CNTN5: variants seen among roughly 807,000 people sequenced by gnomAD.
CNTN5 encodes contactin-5.
A neutral mutation model predicts 129.1 loss-of-function variants in CNTN5; 77 were observed. The observed-to-expected ratio is 0.60, with a 90% confidence interval of 0.50 to 0.72. The LOEUF (loss-of-function observed/expected upper bound fraction) is 0.72, where lower values mean the gene tolerates loss of function less well. Ranked by LOEUF, CNTN5 falls within the 30% of genes least tolerant of loss-of-function variation. CNTN5 has a pLI of 0.00. For synonymous variants in CNTN5, 509 were observed against 465.6 expected (o/e 1.09, Z -1.20); for missense variants, 1,478 against 1,328.8 (o/e 1.11, Z -1.75).
intron 2 of CNTN5, among the ~76,000 whole-genome samples, chr11:99,491,186 A>G (rs1386518612): frequency 6.6e-6 from 1 of 152,050 alleles, no homozygotes; most frequent in Non-Finnish European, 1.5e-5. Context: ...ATTCCCATGT[A>G]TTTGTTAGGC....
chr11:99,369,768 A>AT (rs748725384), intron 2 of CNTN5, among the ~76,000 whole-genome samples: 2 of 152,174 alleles, frequency 1.3e-5, no homozygotes, highest in Non-Finnish European at 2.9e-5. Context: ...TATTTATTGA[A>AT]TACTTATATC....
intron 3 of CNTN5, among the ~76,000 whole-genome samples, chr11:99,694,491 C>A (rs1954177071): frequency 6.6e-6 from 1 of 152,088 alleles, no homozygotes; most frequent in Non-Finnish European, 1.5e-5. Flanking sequence ...CAGTTTTAGA[C>A]TTTTTCAAAC....
intron 2 of CNTN5, among the ~76,000 whole-genome samples, chr11:99,340,309 G>C (rs1352832808): frequency 6.6e-6 from 1 of 152,130 alleles, no homozygotes; most frequent in East Asian, 1.9e-4. Context: ...GTATAAGGAA[G>C]CTGAGTTGTC....
At chr11:100,201,603 A>T (rs917881448) in intron 15 of CNTN5, among the ~76,000 whole-genome samples, 1 of 151,764 alleles carries the variant, frequency 6.6e-6, no homozygotes, top group African/African-American at 2.4e-5. Context: ...ATAATTTTTC[A>T]ATATATCTCT....
chr11:99,383,595 G>A (rs1052398457), intron 2 of CNTN5, among the ~76,000 whole-genome samples: 2 of 134,996 alleles, frequency 1.5e-5, no homozygotes, highest in Admixed American at 1.5e-4. Flanking sequence ...TTGAGAAGCT[G>A]CTTTTTTTTT....
intron 1 of CNTN5, among the ~76,000 whole-genome samples, chr11:99,179,420 C>T (rs917547862): frequency 1.3e-5 from 2 of 151,362 alleles, no homozygotes; most frequent in East Asian, 3.9e-4. Context: ...CCAGCCTGAG[C>T]GATAAAGCGA....
At chr11:99,397,147 A>C (rs187621635) in intron 2 of CNTN5, among the ~76,000 whole-genome samples, 1 of 151,924 alleles carries the variant, frequency 6.6e-6, no homozygotes, top group Non-Finnish European at 1.5e-5. Flanking sequence ...TGATAATTTG[A>C]GAAAAATCAG....
chr11:99,851,190 T>TTC (rs1184673739), intron 6 of CNTN5, among the ~76,000 whole-genome samples: 1 of 152,106 alleles, frequency 6.6e-6, no homozygotes, highest in Non-Finnish European at 1.5e-5. Flanking sequence ...TTAGTTAGTG[T>TTC]TAACACTTAG....
chr11:99,317,283 A>G (rs890600032), intron 1 of CNTN5, among the ~76,000 whole-genome samples: 4 of 152,170 alleles, frequency 2.6e-5, no homozygotes, highest in African/African-American at 9.7e-5. Context: ...CTTGCTGCAG[A>G]CAGCCCTTTT....
chr11:99,908,345 T>C (rs965356520), intron 6 of CNTN5, among the ~76,000 whole-genome samples: 3 of 152,086 alleles, frequency 2.0e-5, no homozygotes, highest in African/African-American at 7.2e-5. Context: ...TAAGAATTGC[T>C]ATACTAAACG....
chr11:99,322,026 C>G (rs1481900737), intron 1 of CNTN5, among the ~76,000 whole-genome samples: 3 of 152,090 alleles, frequency 2.0e-5, no homozygotes, highest in Non-Finnish European at 4.4e-5. Flanking sequence ...TGTAGAGTGT[C>G]CATAAACTTG....
At chr11:99,052,026 A>G (rs1864445498) in intron 1 of CNTN5, among the ~76,000 whole-genome samples, 1 of 151,862 alleles carries the variant, frequency 6.6e-6, no homozygotes, top group Non-Finnish European at 1.5e-5. Flanking sequence ...AATACAATAA[A>G]CAAAGGCACA....
At chr11:99,147,018 G>A (rs1348107044) in intron 1 of CNTN5, among the ~76,000 whole-genome samples, 1 of 152,138 alleles carries the variant, frequency 6.6e-6, no homozygotes, top group Non-Finnish European at 1.5e-5. Flanking sequence ...GATGCATTAA[G>A]CACTATATTG....
intron 8 of CNTN5, among the ~76,000 whole-genome samples, chr11:99,958,209 C>T (rs909058767): frequency 6.6e-6 from 1 of 152,086 alleles, no homozygotes; most frequent in African/African-American, 2.4e-5. Context: ...CGCCAAGAGG[C>T]GATAAATGAC....
chr11:99,719,953 C>T (rs1371970097), intron 3 of CNTN5, among the ~76,000 whole-genome samples: 1 of 152,074 alleles, frequency 6.6e-6, no homozygotes, highest in African/African-American at 2.4e-5. Context: ...TTACTGGACA[C>T]ATACACTCTC....
At chr11:99,479,011 A>G (rs1945487286) in intron 2 of CNTN5, among the ~76,000 whole-genome samples, 1 of 152,242 alleles carries the variant, frequency 6.6e-6, no homozygotes, top group African/African-American at 2.4e-5. Context: ...ATGAATATAG[A>G]AATAAAATAG....
chr11:99,292,068 G>A (rs184262026), intron 1 of CNTN5, among the ~76,000 whole-genome samples: 22 of 152,002 alleles, frequency 1.4e-4, no homozygotes, highest in African/African-American at 4.3e-4. Flanking sequence ...AGAAATGTCC[G>A]ATTCATAAAT....
chr11:99,484,666 G>T lies in CNTN5; in HGVS notation c.-70-71479G>T, dbSNP rs1314346748. Among the ~76,000 whole-genome samples, 8 of 151,844 alleles carry T rather than the reference G, an allele frequency of 5.3e-5. No homozygotes were observed. The East Asian group carries it at 1.5e-3, about 29-fold the overall frequency. On this transcript the variant is annotated intron_variant, in intron 2 of 24. Coordinates refer to ENST00000524871, the MANE Select transcript of CNTN5 (RefSeq NM_014361.4). ...GTCCAACAATGGATGAATGAATAAG[G>T]AAAATGTTGTGTATTACACCATAGA...
At chr11:100,198,521 A>C (rs1948702521) in intron 15 of CNTN5, among the ~76,000 whole-genome samples, 2 of 152,026 alleles carry the variant, frequency 1.3e-5, no homozygotes, top group Non-Finnish European at 2.9e-5. Context: ...AGTGAGTAGC[A>C]TTAGAATAGT....
Sources: allele counts gnomAD v4.1 joint callset (sites outside exome capture counted in the v4.1 genomes callset), GRCh38; gene constraint gnomAD v4.1.1; transcripts MANE v1.5; gene names NCBI Gene and HGNC (gene_info 2026-07-23, HGNC 2026-07-21).